The following LRRC74A variants were observed in gnomAD, a reference collection of about 807,000 sequenced individuals.
LRRC74A encodes leucine rich repeat containing 74A.
LRRC74A carries 44 observed loss-of-function variants against 57.9 expected under a neutral mutation model. The observed-to-expected ratio is 0.76, with a 90% CI of 0.60 to 0.98. The LOEUF (loss-of-function observed/expected upper bound fraction) is 0.98. LRRC74A is among the 50% of genes least tolerant of loss of function. LRRC74A has a pLI of 0.00. For synonymous variants in LRRC74A, 211 were observed against 219.4 expected (o/e 0.96, Z 0.34); for missense variants, 572 against 574.0 (o/e 1.00, Z 0.04).
At chr14:76,836,156 G>C in intron 3 of LRRC74A, 51 bp from the exon 4 acceptor site, 1 of 1,370,090 alleles carries the variant, frequency 7.3e-7, no homozygotes, top group Non-Finnish European at 1.0e-6. Context: ...GGAACTGACT[G>C]GGTCACCAAC....
At chr14:76,842,179 A>G (rs1163366890) in intron 5 of LRRC74A, among the ~76,000 whole-genome samples, 2 of 152,172 alleles carry the variant, frequency 1.3e-5, no homozygotes, top group African/African-American at 4.8e-5. Context: ...TCTGAAAGCT[A>G]TTAATTTTTG....
At position 76,867,449 on chromosome 14, in the gene LRRC74A, G is replaced by A; in HGVS notation, c.1391+11G>A. The A allele has an allele frequency of 6.6e-7, 1 of 1,515,042 alleles. No homozygotes were observed. The highest frequency in any genetic ancestry group is 2.3e-5 in the East Asian group (1 of 44,404). 93.8% of individuals were successfully genotyped at this position (1,515,042 alleles called of 1,614,324 possible). A position where few individuals can be genotyped will look rare whatever the true frequency, so the allele number is the denominator to read the frequency against. On this transcript the variant is annotated intron_variant, in intron 13 of 13. Coordinates refer to ENST00000689127, the MANE Select transcript of LRRC74A (RefSeq NM_001385106.1). ...CATGGTGAACTTCAGGTCAGCCCAG[G>A]CCCCGCGACGATCCCCGTTCTCTGC...
chr14:76,864,953 A>G (rs961196019), intron 11 of LRRC74A, among the ~76,000 whole-genome samples: 1 of 152,270 alleles, frequency 6.6e-6, no homozygotes, highest in Admixed American at 6.5e-5. Flanking sequence ...TAGTAGAAAG[A>G]TGAGAGATTA....
intron 2 of LRRC74A, chr14:76,828,714 C>T (rs1337510547): frequency 2.0e-6 from 1 of 501,140 alleles, no homozygotes; most frequent in East Asian, 5.3e-5. Context: ...CTAAATGTTT[C>T]CACGTGGGGC....
chr14:76,838,087 C>T, intron 5 of LRRC74A, 116 bp downstream of exon 5: 1 of 671,512 alleles, frequency 1.5e-6, no homozygotes, highest in Non-Finnish European at 2.5e-6. Flanking sequence ...TCTTGGAGAC[C>T]AGAATACTGC....
chr14:76,838,208 AC>A (rs1209899468), intron 5 of LRRC74A, among the ~76,000 whole-genome samples: 1 of 152,144 alleles, frequency 6.6e-6, no homozygotes, highest in Non-Finnish European at 1.5e-5. Flanking sequence ...GTACTTTACC[AC>A]CCAAACTGAA....
chr14:76,850,352 G>A (rs1434595256), intron 7 of LRRC74A, among the ~76,000 whole-genome samples: 1 of 152,150 alleles, frequency 6.6e-6, no homozygotes, highest in Non-Finnish European at 1.5e-5. Flanking sequence ...AACTTGTGTG[G>A]CCATTTGAGT....
Position 76,860,741 on chromosome 14 carries a change from G to C in LRRC74A, c.1102G>C (p.Ala368Pro). 1 of 1,611,962 alleles carries C rather than the reference G, an allele frequency of 6.2e-7. No homozygotes were observed. Among genetic ancestry groups the C allele is most frequent in the Non-Finnish European group, 8.5e-7 (1 of 1,178,322 alleles). Residue 368 changes from alanine (A) to proline (P), a missense_variant, in exon 11 of 14, where the codon GCC (alanine) becomes CCC (proline). Physicochemically the swap from Ala to Pro is conservative, Grantham distance 27. Transcript: ENST00000689127. ...CATGAAAACGTTGGACGGAGTGTATGCCGTTCACCCGCAGCTGGACGTGGT... is the reference window on the plus strand; with the variant it reads ...CATGAAAACGTTGGACGGAGTGTATCCCGTTCACCCGCAGCTGGACGTGGT... ...QFMKTLDGVY[A>P]VHPQLDVVFK...
intron 3 of LRRC74A, among the ~76,000 whole-genome samples, chr14:76,835,672 C>A (rs1176797521): frequency 2.0e-5 from 3 of 151,868 alleles, no homozygotes; most frequent in Non-Finnish European, 4.4e-5. Flanking sequence ...ATCACTTGAG[C>A]CCAGGAGTTT....
intron 7 of LRRC74A, among the ~76,000 whole-genome samples, chr14:76,848,021 A>C (rs568454373): frequency 1.3e-5 from 2 of 152,044 alleles, no homozygotes; most frequent in East Asian, 3.9e-4. Context: ...TAAAAATACA[A>C]ACATTAGCCG....
intron 13 of LRRC74A, 100 bp downstream of exon 13, chr14:76,867,538 G>T: frequency 1.5e-6 from 1 of 655,518 alleles, no homozygotes; most frequent in Non-Finnish European, 2.8e-6. Flanking sequence ...TATTACTTGA[G>T]GCTTCACCCA....
chr14:76,850,420 G>A (rs960932010), intron 7 of LRRC74A, among the ~76,000 whole-genome samples: 6 of 152,026 alleles, frequency 3.9e-5, no homozygotes, highest in Admixed American at 6.6e-5. Context: ...GAGGAAATAA[G>A]GGTAAAAAGA....
chr14:76,828,461 C>G, intron 2 of LRRC74A, 42 bp downstream of exon 2: 1 of 1,612,814 alleles, frequency 6.2e-7, no homozygotes, highest in Non-Finnish European at 8.5e-7. Flanking sequence ...AGCTTCTCCT[C>G]AGAAACTGGA....
intron 13 of LRRC74A, among the ~76,000 whole-genome samples, chr14:76,867,919 A>G (rs562558009): frequency 6.8e-4 from 103 of 152,338 alleles, no homozygotes; most frequent in African/African-American, 2.2e-3. Context: ...GTTAGGGACT[A>G]CAGGTCCCGC....
chr14:76,869,083 GCCC>G (rs1445400485), intron 13 of LRRC74A, among the ~76,000 whole-genome samples: 1 of 11,214 alleles, frequency 8.9e-5, no homozygotes, highest in African/African-American at 2.6e-4. Flanking sequence ...CTCCTCACCT[GCCC>G]CGTGCCTCCT....
chr14:76,844,278 C>T lies in LRRC74A; in HGVS notation c.545-145C>T, dbSNP rs1260352194. On this transcript the variant is annotated intron_variant, in intron 5 of 13. Coordinates refer to ENST00000689127, the MANE Select transcript of LRRC74A (RefSeq NM_001385106.1). ...TCCGCCTCCCAAAGTGCTGGGATTA[C>T]AGGCGTAAGCCAATGCGTCTGGCCC... 11 of 719,794 alleles carry T rather than the reference C, an allele frequency of 1.5e-5. No homozygotes were observed. The Admixed American group carries it at 2.2e-4, about 15-fold the overall frequency. 44.6% of individuals were successfully genotyped at this position (719,794 alleles called of 1,614,324 possible). A position where few individuals can be genotyped will look rare whatever the true frequency, so the allele number is the denominator to read the frequency against.
Position 76,844,353 on chromosome 14 carries a change from G to C in LRRC74A, c.545-70G>C, listed in dbSNP as rs1896976046. The stretch of plus-strand genomic sequence containing the variant: ...GTTCTAAAGGGAAGTGGACTGGGAG[G>C]GGCAGGGGGTGGGAGAGGAAGGGAG... On this transcript the variant is annotated intron_variant, in intron 5 of 13. Coordinates refer to ENST00000689127, the MANE Select transcript of LRRC74A (RefSeq NM_001385106.1). 8 of 1,395,258 alleles carry C rather than the reference G, an allele frequency of 5.7e-6. No homozygotes were observed. The Admixed American group carries it at 1.5e-4, about 26-fold the overall frequency. 86.4% of individuals were successfully genotyped at this position (1,395,258 alleles called of 1,614,324 possible).
At chr14:76,832,420 G>A (rs1159689082) in intron 3 of LRRC74A, among the ~76,000 whole-genome samples, 1 of 152,164 alleles carries the variant, frequency 6.6e-6, no homozygotes, top group African/African-American at 2.4e-5. Context: ...TGATCCTCCT[G>A]CCTCAGCCTC....
Position 76,844,474 on chromosome 14 carries a change from T to C in LRRC74A, c.594+2T>C, listed in dbSNP as rs1488462546. ...GCACTGCTCTGCCAAGCCCTGTCGGTAAGAGGCAGGGAGTGCAGCCAAGCC... is the reference window on the plus strand; with the variant it reads ...GCACTGCTCTGCCAAGCCCTGTCGGCAAGAGGCAGGGAGTGCAGCCAAGCC... On this transcript the variant is annotated splice_donor_variant, in intron 6 of 13. Coordinates refer to ENST00000689127, the MANE Select transcript of LRRC74A (RefSeq NM_001385106.1). LOFTEE classifies it high-confidence loss of function. The C allele has an allele frequency of 3.1e-6, 5 of 1,611,560 alleles. No individual in the cohort carries two copies. The Admixed American group carries it at 8.4e-5, about 27-fold the overall frequency.
Sources: gnomAD v4.1 joint callset for allele counts (sites outside exome capture counted in the v4.1 genomes callset) on GRCh38, gnomAD v4.1.1 for gene constraint, MANE v1.5 for transcripts, NCBI Gene and HGNC (gene_info 2026-07-23, HGNC 2026-07-21) for gene names.